ARHGAP10: variants seen among roughly 807,000 people sequenced by gnomAD.
ARHGAP10 encodes rho GTPase-activating protein 10.
ARHGAP10 carries 87 observed loss-of-function variants against 108.6 expected under a neutral mutation model. The observed-to-expected ratio is 0.80, with a 90% CI of 0.67 to 0.96. The LOEUF (loss-of-function observed/expected upper bound fraction) is 0.96. Among genes scored for constraint, ARHGAP10 ranks in the 40% least tolerant of loss-of-function variants. ARHGAP10 has a pLI of 0.00. For missense variants in ARHGAP10, 939 were observed against 954.5 expected (o/e 0.98, Z 0.21); for synonymous variants, 347 against 341.1 (o/e 1.02, Z -0.19).
chr4:148,002,222 T>C (rs763581766), intron 18 of ARHGAP10, among the ~76,000 whole-genome samples: 4 of 152,236 alleles, frequency 2.6e-5, no homozygotes, highest in Non-Finnish European at 4.4e-5. Flanking sequence ...AGTTTGTTGA[T>C]TTTTATATGT....
intron 10 of ARHGAP10, among the ~76,000 whole-genome samples, chr4:147,884,808 A>G (rs1006595063): frequency 5.9e-5 from 9 of 152,210 alleles, no homozygotes; most frequent in Non-Finnish European, 1.2e-4. Flanking sequence ...AGAGTGGGAG[A>G]AGAGGCTTGA....
chr4:147,771,582 G>T (rs1266269012), intron 1 of ARHGAP10, among the ~76,000 whole-genome samples: 1 of 152,164 alleles, frequency 6.6e-6, no homozygotes, highest in Non-Finnish European at 1.5e-5. Flanking sequence ...TTGTGTTGTT[G>T]TGAGGATTAA....
chr4:147,974,255 T>C (rs1262168911), intron 18 of ARHGAP10, among the ~76,000 whole-genome samples: 2 of 152,228 alleles, frequency 1.3e-5, no homozygotes, highest in African/African-American at 4.8e-5. Context: ...ATTGTAGTTT[T>C]GCTTTTCATT....
At chr4:148,043,746 G>GTGTA (rs201656850) in intron 19 of ARHGAP10, among the ~76,000 whole-genome samples, 7 of 137,808 alleles carry the variant, frequency 5.1e-5, no homozygotes, top group African/African-American at 1.6e-4. Flanking sequence ...GTATATATAT[G>GTGTA]TATATATGTA....
chr4:147,969,258 T>C (rs1330695030), intron 18 of ARHGAP10, among the ~76,000 whole-genome samples: 1 of 151,974 alleles, frequency 6.6e-6, no homozygotes, highest in Non-Finnish European at 1.5e-5. Flanking sequence ...TGAAAGCTGA[T>C]TGGGGATTTT....
intron 1 of ARHGAP10, among the ~76,000 whole-genome samples, chr4:147,767,533 T>C (rs1729885669): frequency 6.6e-6 from 1 of 152,152 alleles, no homozygotes; most frequent in African/African-American, 2.4e-5. Context: ...TAAAGAAGAC[T>C]GAGCCTATAT....
intron 10 of ARHGAP10, among the ~76,000 whole-genome samples, chr4:147,886,610 A>G (rs2126879476): frequency 6.6e-6 from 1 of 151,826 alleles, no homozygotes; most frequent in East Asian, 1.9e-4. Context: ...TTCCTTCTTT[A>G]TTTTGCTTGT....
intron 22 of ARHGAP10, among the ~76,000 whole-genome samples, chr4:148,071,637 A>T (rs200106697): frequency 9.6e-6 from 1 of 104,498 alleles, no homozygotes; most frequent in African/African-American, 2.8e-5. Context: ...AAACAAACAA[A>T]CAAAAAAAAA....
chr4:148,031,255 T>C (rs1728136794), intron 19 of ARHGAP10, among the ~76,000 whole-genome samples: 1 of 152,244 alleles, frequency 6.6e-6, no homozygotes, highest in African/African-American at 2.4e-5. Context: ...TTTCTTAAAA[T>C]CTTTAGTAGT....
At position 147,942,405 on chromosome 4, in the gene ARHGAP10, T is replaced by G. The variant is rs902084108; in HGVS notation, c.1303+2506T>G. 3.3e-5 allele frequency among the ~76,000 whole-genome samples: 5 copies of G among 152,254 alleles called. No homozygotes were observed. In the East Asian group the frequency reaches 9.6e-4, roughly 29 times the overall value. ...TTTACACAAAGTACTTTGTATTGTTTGTTAAAGTGTTTTAAGTCTTATTTA... is the reference window on the plus strand; with the variant it reads ...TTTACACAAAGTACTTTGTATTGTTGGTTAAAGTGTTTTAAGTCTTATTTA... On this transcript the variant is annotated intron_variant, in intron 14 of 22. Coordinates refer to ENST00000336498, the MANE Select transcript of ARHGAP10 (RefSeq NM_024605.4).
At chr4:147,872,522 G>C (rs1044215011) in intron 7 of ARHGAP10, among the ~76,000 whole-genome samples, 5 of 152,174 alleles carry the variant, frequency 3.3e-5, no homozygotes, top group African/African-American at 4.8e-5. Context: ...CTATGTTGGG[G>C]TTAGCACCCC....
chr4:147,739,599 C>G (rs1218112269), intron 1 of ARHGAP10, among the ~76,000 whole-genome samples: 2 of 152,182 alleles, frequency 1.3e-5, no homozygotes, highest in Admixed American at 6.5e-5. Context: ...AGAGACATCC[C>G]TAAGAGGGAT....
chr4:147,879,705 C>T (rs1735249653), intron 9 of ARHGAP10, among the ~76,000 whole-genome samples: 1 of 152,218 alleles, frequency 6.6e-6, no homozygotes, highest in Non-Finnish European at 1.5e-5. Context: ...GCCCCCAGCC[C>T]CCTCACAGAC....
chr4:147,869,920 C>T (rs1279360261), intron 7 of ARHGAP10, among the ~76,000 whole-genome samples: 2 of 151,050 alleles, frequency 1.3e-5, no homozygotes, highest in Non-Finnish European at 2.9e-5. Flanking sequence ...CATCTCATTC[C>T]TTGATGTCAG....
At chr4:148,033,152 T>C (rs968026961) in intron 19 of ARHGAP10, among the ~76,000 whole-genome samples, 2 of 152,228 alleles carry the variant, frequency 1.3e-5, no homozygotes, top group Admixed American at 1.3e-4. Flanking sequence ...TTTTATAGTA[T>C]ATCTTGTGTT....
At position 147,955,334 on chromosome 4, in the gene ARHGAP10, C is replaced by T. The variant is rs150813807; in HGVS notation, c.1410C>T (p.Leu470=). ...CACACAGGAGTCTTCCAGAGCCTCT[C>T]ATGACCTATGAGTTACATGGAGATT... The part of the protein sequence containing the change: ...KQYLRSLPEP[L]MTYELHGDFI... Residue 470 remains leucine (L), a synonymous_variant, in exon 16 of 23, where the codon CTC becomes CTT. Transcript: ENST00000336498. The T allele has an allele frequency of 1.7e-4, 281 of 1,611,590 alleles. No homozygotes were observed. The highest frequency in any genetic ancestry group is 4.9e-4 in the Middle Eastern group (3 of 6,072).
chr4:147,801,540 A>AT (rs1305311169), intron 1 of ARHGAP10, among the ~76,000 whole-genome samples: 1 of 152,220 alleles, frequency 6.6e-6, no homozygotes, highest in Non-Finnish European at 1.5e-5. Context: ...AGTATTCATC[A>AT]TTTTTTGTAA....
intron 14 of ARHGAP10, among the ~76,000 whole-genome samples, chr4:147,943,664 G>A (rs193164877): frequency 2.0e-5 from 3 of 152,294 alleles, no homozygotes; most frequent in Admixed American, 2.0e-4. Flanking sequence ...AACCCATAAA[G>A]TGTCCTTCCT....
In ARHGAP10 at chr4:147,844,696, A is replaced by G. The variant is rs114995420; in HGVS notation, c.313-2455A>G. On this transcript the variant is annotated intron_variant, in intron 3 of 22. Transcript: ENST00000336498. Reference sequence around the variant, plus strand: ...ACCTTTTCCATTCGGTCAATCTCTCATTACTTTGACACCACCTGCAAATAT... The same window carrying G: ...ACCTTTTCCATTCGGTCAATCTCTCGTTACTTTGACACCACCTGCAAATAT... Among the ~76,000 whole-genome samples, 1,115 of 152,274 alleles carry G rather than the reference A, an allele frequency of 7.3e-3. 12 individuals carry two copies. The highest frequency in any genetic ancestry group is 0.026 in the African/African-American group (1,070 of 41,546).
Sources: allele counts gnomAD v4.1 joint callset (sites outside exome capture counted in the v4.1 genomes callset), GRCh38; gene constraint gnomAD v4.1.1; transcripts MANE v1.5; gene names NCBI Gene and HGNC (gene_info 2026-07-23, HGNC 2026-07-21).